Variants in RAB11FIP4 observed in about 807,000 individuals in gnomAD.
The protein encoded by RAB11FIP4 is RAB11 family interacting protein 4, also known as rab11 family-interacting protein 4.
In RAB11FIP4, 23 loss-of-function variants were observed where a neutral mutation model predicts 74.3. The observed-to-expected ratio is 0.31, with a 90% CI of 0.22 to 0.44. RAB11FIP4 has a LOEUF of 0.44. RAB11FIP4 is among the 20% of genes least tolerant of loss of function. The pLI is 1.00. For synonymous variants in RAB11FIP4, 360 were observed against 359.9 expected (o/e 1.00, Z 0.00); for missense variants, 630 against 863.9 (o/e 0.73, Z 3.39).
intron 10 of RAB11FIP4, chr17:31,526,694 C>G (rs975934572): frequency 6.6e-6 from 1 of 152,392 alleles, no homozygotes; most frequent in African/African-American, 2.4e-5. Context: ...GCCTATAATC[C>G]CAGCACTTTC....
At chr17:31,508,644 C>G (rs2072398020) in intron 3 of RAB11FIP4, among the ~76,000 whole-genome samples, 1 of 152,236 alleles carries the variant, frequency 6.6e-6, no homozygotes, top group Non-Finnish European at 1.5e-5. Context: ...CTTGGTGCTT[C>G]CCAGGAGACC....
chr17:31,433,594 T>C (rs1567654021), intron 2 of RAB11FIP4, among the ~76,000 whole-genome samples: 2 of 152,224 alleles, frequency 1.3e-5, no homozygotes, highest in African/African-American at 4.8e-5. Flanking sequence ...GAACTGCAGC[T>C]GTCCTGCGGG....
chr17:31,455,273 G>T (rs183117929), intron 3 of RAB11FIP4, among the ~76,000 whole-genome samples: 2 of 152,254 alleles, frequency 1.3e-5, no homozygotes, highest in East Asian at 1.9e-4. Flanking sequence ...GTATATTCTG[G>T]GAAGGTAGCT....
At chr17:31,422,126 G>A (rs1297003725) in intron 1 of RAB11FIP4, among the ~76,000 whole-genome samples, 3 of 152,118 alleles carry the variant, frequency 2.0e-5, no homozygotes, top group Admixed American at 1.3e-4. Flanking sequence ...AGTGAGCTAT[G>A]ATCACACCGC....
chr17:31,514,760 C>T (rs1286167847), intron 3 of RAB11FIP4, among the ~76,000 whole-genome samples: 1 of 152,240 alleles, frequency 6.6e-6, no homozygotes, highest in Non-Finnish European at 1.5e-5. Flanking sequence ...TGGTCTCCCT[C>T]CTGCCTTGTT....
chr17:31,426,599 C>CTTTTTTTTTTTTTTTTTTTTTTTTTTTTT, intron 1 of RAB11FIP4, among the ~76,000 whole-genome samples: 1 of 122,062 alleles, frequency 8.2e-6, no homozygotes, highest in Non-Finnish European at 1.6e-5. Flanking sequence ...TTTTCTTTTC[C>CTTTTTTTTTTTTTTTTTTTTTTTTTTTTT]TTTTTTTTTT....
chr17:31,407,491 C>T (rs1441064309), intron 1 of RAB11FIP4, among the ~76,000 whole-genome samples: 1 of 152,196 alleles, frequency 6.6e-6, no homozygotes, highest in Non-Finnish European at 1.5e-5. Context: ...GTTTCCTGCC[C>T]AAATGCAGTG....
intron 3 of RAB11FIP4, among the ~76,000 whole-genome samples, chr17:31,452,553 T>C (rs1160765450): frequency 6.6e-6 from 1 of 152,166 alleles, no homozygotes; most frequent in East Asian, 1.9e-4. Context: ...TCATCAGCAA[T>C]GGTGGTGCTG....
intron 3 of RAB11FIP4, among the ~76,000 whole-genome samples, chr17:31,467,961 G>A (rs530966428): frequency 3.4e-4 from 52 of 152,318 alleles, no homozygotes; most frequent in Non-Finnish European, 5.6e-4. Flanking sequence ...CCTGGTGTTC[G>A]AGATGACTGG....
chr17:31,521,302 C>G lies in RAB11FIP4; in HGVS notation c.700C>G (p.Pro234Ala). The change falls in exon 5 of 15, where the codon CCC becomes GCC. Residue 234 changes from proline (P) to alanine (A), a missense_variant. By Grantham distance (27) the Pro-to-Ala change is conservative. Transcript: ENST00000621161. ...DVDCAPSSPCPDDETRTNVYS... is the reference protein window; with the variant it reads ...DVDCAPSSPCADDETRTNVYS... The stretch of plus-strand genomic sequence containing the variant: ...GGACTGTGCCCCCAGCAGCCCTTGC[C>G]CCGATGATGAGACCAGGACCAACGT... 1 of 1,613,952 alleles carries G rather than the reference C, an allele frequency of 6.2e-7. No individual in the cohort carries two copies. Among genetic ancestry groups the G allele is most frequent in the Non-Finnish European group, 8.5e-7 (1 of 1,179,906 alleles).
In RAB11FIP4 at chr17:31,528,497, G is replaced by T; in HGVS notation, c.1448G>T (p.Arg483Leu). 1.2e-6 allele frequency: 2 copies of T among 1,613,852 alleles called. No individual in the cohort carries two copies. The highest frequency in any genetic ancestry group is 8.5e-7 in the Non-Finnish European group (1 of 1,180,044). ...TACAAGCGCATGATGGACAAGCTGC[G>T]ACAGAACCGCCTTGAGTTCCAGAAG... Reference protein sequence around the residue: ...DLYKRMMDKLRQNRLEFQKER... With the variant: ...DLYKRMMDKLLQNRLEFQKER... Residue 483 changes from arginine (R) to leucine (L), a missense_variant, in exon 12 of 15, where the codon CGA becomes CTA. Coordinates refer to ENST00000621161, the MANE Select transcript of RAB11FIP4 (RefSeq NM_032932.6).
intron 1 of RAB11FIP4, among the ~76,000 whole-genome samples, chr17:31,427,169 C>T (rs1031054141): frequency 2.0e-5 from 3 of 152,130 alleles, no homozygotes; most frequent in African/African-American, 7.2e-5. Context: ...CTATGTTGGC[C>T]AGGCTGGTCT....
At position 31,530,695 on chromosome 17, in the gene RAB11FIP4, C is replaced by T. The variant is rs2072855376; in HGVS notation, c.1797+226C>T. ...TGCTGGAAGGAGTGCGGGTTTGGTTCAGAGTGGAGTGTGAGTCTTAGGTCG... is the reference window on the plus strand; with the variant it reads ...TGCTGGAAGGAGTGCGGGTTTGGTTTAGAGTGGAGTGTGAGTCTTAGGTCG... On this transcript the variant is annotated intron_variant, in intron 14 of 14. Transcript: ENST00000621161. Among the ~76,000 whole-genome samples the T allele has an allele frequency of 2.0e-5, 3 of 152,166 alleles. No individual in the cohort carries two copies. In the South Asian group the frequency reaches 6.2e-4, roughly 32 times the overall value.
chr17:31,408,827 A>T (rs1385741766), intron 1 of RAB11FIP4, among the ~76,000 whole-genome samples: 1 of 152,160 alleles, frequency 6.6e-6, no homozygotes, highest in African/African-American at 2.4e-5. Flanking sequence ...CTTAACAGAC[A>T]GGGTCCCAAA....
At chr17:31,394,459 G>A (rs144376955) in intron 1 of RAB11FIP4, among the ~76,000 whole-genome samples, 2 of 152,234 alleles carry the variant, frequency 1.3e-5, no homozygotes, top group East Asian at 3.9e-4. Flanking sequence ...GTATGTGGTT[G>A]TTGTCACCTT....
At chr17:31,491,036 TGCCCA>T (rs2071998016) in intron 3 of RAB11FIP4, among the ~76,000 whole-genome samples, 1 of 152,258 alleles carries the variant, frequency 6.6e-6, no homozygotes, top group African/African-American at 2.4e-5. Context: ...CGAAGATCAA[TGCCCA>T]GTTACTTCAT....
intron 1 of RAB11FIP4, among the ~76,000 whole-genome samples, chr17:31,410,002 C>T (rs981774160): frequency 3.3e-5 from 5 of 152,096 alleles, no homozygotes; most frequent in African/African-American, 4.8e-5. Context: ...TCCAGCTTGC[C>T]GGCTCTATGA....
Position 31,537,068 on chromosome 17 carries a change from G to A in RAB11FIP4, c.*5336G>A, listed in dbSNP as rs2142845951. On this transcript the variant is annotated 3_prime_UTR_variant, in exon 15 of 15. Coordinates refer to ENST00000621161, the MANE Select transcript of RAB11FIP4 (RefSeq NM_032932.6). ...CCCAGGGTGACCCTGCCTCCTGCTG[G>A]GGCCCATCCGCTTTGCTGTGCTGCA... is the stretch of plus-strand genomic sequence containing the variant. 2.5e-6 allele frequency: 1 copy of A among 399,372 alleles called. No individual in the cohort carries two copies. Among genetic ancestry groups the A allele is most frequent in the South Asian group, 1.3e-4 (1 of 7,868 alleles). The allele number at this position is 399,372 out of a possible 1,614,324, so 24.7% of individuals were successfully genotyped here.
intron 8 of RAB11FIP4, 89 bp downstream of exon 8, chr17:31,523,700 G>C: frequency 7.5e-7 from 1 of 1,328,466 alleles, no homozygotes; most frequent in South Asian, 1.2e-5. Flanking sequence ...TGGGGACTTG[G>C]GAGACCCTGT....
Sources: allele counts gnomAD v4.1 joint callset (sites outside exome capture counted in the v4.1 genomes callset), GRCh38; gene constraint gnomAD v4.1.1; transcripts MANE v1.5; gene names NCBI Gene and HGNC (gene_info 2026-07-23, HGNC 2026-07-21).